Variants in DIAPH2 observed in about 807,000 individuals in gnomAD.
DIAPH2 encodes the protein diaphanous related formin 2, also known as protein diaphanous homolog 2.
In DIAPH2, 35 loss-of-function variants were observed where a neutral mutation model predicts 92.7. The ratio of observed to expected loss-of-function variants is 0.38; its 90% CI spans 0.29 to 0.50. The LOEUF (loss-of-function observed/expected upper bound fraction) is 0.50. DIAPH2 is among the 20% of genes least tolerant of loss of function. The pLI is 0.94. For synonymous variants in DIAPH2, 301 were observed against 280.4 expected (o/e 1.07, Z -0.73); for missense variants, 701 against 819.5 (o/e 0.86, Z 1.77).
Position 97,205,305 on chromosome X carries a change from A to G in DIAPH2, c.2720-42410A>G, listed in dbSNP as rs777566002. 6.2e-5 allele frequency among the ~76,000 whole-genome samples: 7 copies of G among 112,258 alleles called. No homozygotes were observed. The East Asian group carries it at 1.1e-3, about 18-fold the overall frequency. ...CTAAACTGCCAAAAGCGATGGCAACAAAAGCCAAAATTGACAAATGGGATC... is the reference window on the plus strand; with the variant it reads ...CTAAACTGCCAAAAGCGATGGCAACGAAAGCCAAAATTGACAAATGGGATC... On this transcript the variant is annotated intron_variant, in intron 22 of 26. Coordinates refer to ENST00000324765, the MANE Select transcript of DIAPH2 (RefSeq NM_006729.5).
intron 26 of DIAPH2, among the ~76,000 whole-genome samples, chrX:97,568,789 T>A (rs1386395978): frequency 8.9e-6 from 1 of 112,008 alleles, no homozygotes; most frequent in Non-Finnish European, 1.9e-5. Context: ...ACACTATGTT[T>A]GTGGCTTGCA....
At chrX:96,780,946 A>G (rs1470777458) in intron 4 of DIAPH2, among the ~76,000 whole-genome samples, 1 of 108,846 alleles carries the variant, frequency 9.2e-6, no homozygotes, top group African/African-American at 3.4e-5. Context: ...AGCTAGGATT[A>G]TAGGCGCCCA....
chrX:97,547,992 A>G (rs910705352), intron 26 of DIAPH2, among the ~76,000 whole-genome samples: 3 of 112,011 alleles, frequency 2.7e-5, no homozygotes, highest in Non-Finnish European at 3.8e-5. Flanking sequence ...TGTCGGGACT[A>G]AGTTGTAATG....
At chrX:97,277,815 G>T (rs1381765889) in intron 23 of DIAPH2, among the ~76,000 whole-genome samples, 1 of 111,956 alleles carries the variant, frequency 8.9e-6, no homozygotes, top group African/African-American at 3.2e-5. Flanking sequence ...ACTATAGCCG[G>T]TTGAACATTT....
At chrX:97,155,933 A>G (rs1669630190) in intron 22 of DIAPH2, among the ~76,000 whole-genome samples, 1 of 112,344 alleles carries the variant, frequency 8.9e-6, no homozygotes, top group South Asian at 3.7e-4. Context: ...GATTTCAGGA[A>G]GTGGATAGAG....
intron 19 of DIAPH2, among the ~76,000 whole-genome samples, chrX:97,098,796 A>G (rs1363939947): frequency 8.9e-6 from 1 of 112,987 alleles, no homozygotes; most frequent in Non-Finnish European, 1.9e-5. Flanking sequence ...TTGCCCCTCA[A>G]AGGCGCTGCC....
intron 1 of DIAPH2, among the ~76,000 whole-genome samples, chrX:96,709,335 G>T (rs964333128): frequency 1.8e-5 from 2 of 111,937 alleles, no homozygotes; most frequent in African/African-American, 6.5e-5. Context: ...TGAGGCAAAA[G>T]AAATCTTTCT....
intron 3 of DIAPH2, among the ~76,000 whole-genome samples, chrX:96,750,929 G>T (rs1210721134): frequency 8.9e-6 from 1 of 112,228 alleles, no homozygotes; most frequent in African/African-American, 3.2e-5. Context: ...CTAATGCCAT[G>T]GTACCTTTTG....
At chrX:97,377,568 A>G (rs1011308164) in intron 24 of DIAPH2, among the ~76,000 whole-genome samples, 1 of 112,083 alleles carries the variant, frequency 8.9e-6, no homozygotes, top group African/African-American at 3.2e-5. Flanking sequence ...TATTTCACAG[A>G]TTCAGAAAAG....
chrX:97,505,727 T>C (rs1319538615), intron 26 of DIAPH2, among the ~76,000 whole-genome samples: 1 of 110,244 alleles, frequency 9.1e-6, no homozygotes, highest in East Asian at 2.8e-4. Flanking sequence ...TTTTTAAATC[T>C]CCTGCATCTG....
intron 25 of DIAPH2, among the ~76,000 whole-genome samples, chrX:97,387,095 C>T (rs1387610256): frequency 1.8e-5 from 2 of 111,182 alleles, no homozygotes; most frequent in Non-Finnish European, 3.8e-5. Flanking sequence ...GACAGGGTCT[C>T]ACTCTGTCAC....
intron 4 of DIAPH2, among the ~76,000 whole-genome samples, chrX:96,876,541 G>A (rs1487747038): frequency 8.9e-6 from 1 of 111,861 alleles, no homozygotes; most frequent in East Asian, 2.8e-4. Flanking sequence ...CTGGATTAAG[G>A]AAATGTGGCA....
chrX:96,754,306 A>G (rs1354999821), intron 3 of DIAPH2, among the ~76,000 whole-genome samples: 1 of 111,986 alleles, frequency 8.9e-6, no homozygotes, highest in Non-Finnish European at 1.9e-5. Flanking sequence ...TGGACCATAA[A>G]TTATTTATTC....
At chrX:97,383,673 T>C (rs1175642279) in intron 24 of DIAPH2, among the ~76,000 whole-genome samples, 2 of 108,854 alleles carry the variant, frequency 1.8e-5, no homozygotes, top group African/African-American at 3.3e-5. Flanking sequence ...TTACAATTAA[T>C]TGTCTCTCTC....
intron 17 of DIAPH2, among the ~76,000 whole-genome samples, chrX:96,994,761 AAAG>A (rs2066093871): frequency 9.0e-6 from 1 of 111,396 alleles, no homozygotes; most frequent in Admixed American, 9.5e-5. Flanking sequence ...AGAAGTGCCA[AAAG>A]AAGCAGGAAG....
chrX:96,895,537 T>C (rs897518275), intron 5 of DIAPH2, among the ~76,000 whole-genome samples: 1 of 111,911 alleles, frequency 8.9e-6, no homozygotes, highest in African/African-American at 3.2e-5. Context: ...CTTAGTATAT[T>C]CTTTGTCTTA....
At chrX:96,717,828 A>ATATATATATATGTATATAG (rs2063960807) in intron 1 of DIAPH2, among the ~76,000 whole-genome samples, 1 of 74,972 alleles carries the variant, frequency 1.3e-5, no homozygotes, top group Non-Finnish European at 2.5e-5. Flanking sequence ...ATATATATAT[A>ATATATATATATGTATATAG]TATATATATA....
At chrX:97,082,471 A>T (rs1452191312) in intron 19 of DIAPH2, among the ~76,000 whole-genome samples, 1 of 108,761 alleles carries the variant, frequency 9.2e-6, no homozygotes, top group Non-Finnish European at 1.9e-5. Context: ...AAAAAAAAAA[A>T]AAATACAAAA....
chrX:97,542,429 A>G (rs1256738828), intron 26 of DIAPH2, among the ~76,000 whole-genome samples: 1 of 112,155 alleles, frequency 8.9e-6, no homozygotes, highest in Non-Finnish European at 1.9e-5. Flanking sequence ...TTGTTTGGAG[A>G]ACTCAAGTAT....
Sources: gnomAD v4.1 joint callset for allele counts (sites outside exome capture counted in the v4.1 genomes callset) on GRCh38, gnomAD v4.1.1 for gene constraint, MANE v1.5 for transcripts, NCBI Gene and HGNC (gene_info 2026-07-23, HGNC 2026-07-21) for gene names.